GRM3: variants seen among roughly 807,000 people sequenced by gnomAD.
GRM3 encodes the protein glutamate metabotropic receptor 3, also known as metabotropic glutamate receptor 3.
GRM3 carries 26 observed loss-of-function variants against 70.5 expected under a neutral mutation model. The ratio of observed to expected loss-of-function variants is 0.37; its 90% CI spans 0.27 to 0.51. GRM3 has a LOEUF of 0.51. GRM3 is among the 20% of genes least tolerant of loss of function. The probability of loss-of-function intolerance (pLI) is 0.93; values close to 1 mark genes in which losing one functional copy is unlikely to be tolerated. For missense variants in GRM3, 859 were observed against 1,123.8 expected (o/e 0.76, Z 3.37); for synonymous variants, 443 against 434.9 (o/e 1.02, Z -0.23).
intron 1 of GRM3, chr7:86,710,328 A>G (rs754272071): frequency 5.9e-5 from 9 of 151,704 alleles, no homozygotes; most frequent in Non-Finnish European, 1.2e-4. Context: ...CTCTTCTGCC[A>G]TTCTAAGTGG....
At chr7:86,677,399 C>A (rs189265025) in intron 1 of GRM3, among the ~76,000 whole-genome samples, 1 of 152,008 alleles carries the variant, frequency 6.6e-6, no homozygotes, top group Non-Finnish European at 1.5e-5. Context: ...CTTCTGGAGA[C>A]CTTCTTCCCA....
chr7:86,733,804 AC>A lies in GRM3; in HGVS notation c.-140-31201del, dbSNP rs149783490. ...GCCTAGGTGCAAGTGAACCCAGACA[AC>A]AGCCTGGGCACAGGCCATATGTACA... On this transcript the variant is annotated intron_variant, in intron 1 of 5. Coordinates refer to ENST00000361669, the MANE Select transcript of GRM3 (RefSeq NM_000840.3). Among the ~76,000 whole-genome samples, 969 of 152,268 alleles carry A rather than the reference AC, an allele frequency of 6.4e-3. 11 individuals are homozygous for A. Among genetic ancestry groups the A allele is most frequent in the African/African-American group, 0.021 (887 of 41,560 alleles).
At chr7:86,743,306 A>G (rs1796029425) in intron 1 of GRM3, among the ~76,000 whole-genome samples, 2 of 152,154 alleles carry the variant, frequency 1.3e-5, no homozygotes, top group Admixed American at 1.3e-4. Context: ...GAATGTTGGT[A>G]GCTATATCCC....
At chr7:86,708,271 C>T (rs1383017843) in intron 1 of GRM3, among the ~76,000 whole-genome samples, 1 of 152,136 alleles carries the variant, frequency 6.6e-6, no homozygotes, top group Non-Finnish European at 1.5e-5. Flanking sequence ...ATTCAGGCTC[C>T]ATGCCCAGTG....
At chr7:86,708,236 A>T (rs11772477) in intron 1 of GRM3, among the ~76,000 whole-genome samples, 1,735 of 152,214 alleles carry the variant, frequency 0.011, 9 homozygotes, top group Middle Eastern at 0.027. Flanking sequence ...ACACTTGAAG[A>T]TCTATGGGAA....
In GRM3 at chr7:86,644,335, G is replaced by T. The variant is rs1440685719; in HGVS notation, c.-678G>T. The T allele has an allele frequency of 2.9e-5, 8 of 274,692 alleles. No homozygotes were observed. The highest frequency in any genetic ancestry group is 4.2e-5 in the Non-Finnish European group (6 of 141,302). The allele number at this position is 274,692 out of a possible 1,614,324, so 17.0% of individuals were successfully genotyped here. On this transcript the variant is annotated 5_prime_UTR_variant, in exon 1 of 6. In the 5' UTR this introduces an upstream ATG that the reference lacks. Transcript: ENST00000361669. ...GGGAGGGAAAAGAACGAGAGAGGGA[G>T]GAAAGAATGAAAAGGAGAGGATGCC...
intron 1 of GRM3, among the ~76,000 whole-genome samples, chr7:86,693,736 G>A (rs1276095380): frequency 2.8e-5 from 4 of 142,506 alleles, no homozygotes; most frequent in Admixed American, 2.7e-4. Context: ...AGCTAGAGCC[G>A]AGCCGCTGTT....
At chr7:86,799,330 T>G (rs1373571552) in intron 3 of GRM3, among the ~76,000 whole-genome samples, 1 of 152,204 alleles carries the variant, frequency 6.6e-6, no homozygotes, top group Non-Finnish European at 1.5e-5. Flanking sequence ...CCTATTTGAA[T>G]ACTCTTTATT....
chr7:86,799,466 TATG>T (rs1226515687), intron 3 of GRM3, among the ~76,000 whole-genome samples: 1 of 152,196 alleles, frequency 6.6e-6, no homozygotes. Flanking sequence ...GCCCATTCAG[TATG>T]ATATTGCCTA....
chr7:86,644,500 T>C lies in GRM3; in HGVS notation c.-513T>C. 2.8e-6 allele frequency: 1 copy of C among 356,388 alleles called. No homozygotes were observed. The highest frequency in any genetic ancestry group is 3.8e-5 in the Admixed American group (1 of 26,524). 22.1% of individuals were successfully genotyped at this position (356,388 alleles called of 1,614,324 possible). On this transcript the variant is annotated 5_prime_UTR_variant, in exon 1 of 6. Transcript: ENST00000361669. Reference sequence around the variant, plus strand: ...AGGAGGGGACTCGGCTGGGAAGAGCTCCCCTCCCCTCCGCGGAAGACCACT... The same window carrying C: ...AGGAGGGGACTCGGCTGGGAAGAGCCCCCCTCCCCTCCGCGGAAGACCACT...
rs539280721 is a variant in GRM3, at chr7:86,647,600, A to G, written c.-141+2728A>G. On this transcript the variant is annotated intron_variant, in intron 1 of 5. Coordinates refer to ENST00000361669, the MANE Select transcript of GRM3 (RefSeq NM_000840.3). ...ACAGTTGTCTCACTTTGCTATTTTAAACTGAGTTTATTGTGCATTCTCACA... is the reference window on the plus strand; with the variant it reads ...ACAGTTGTCTCACTTTGCTATTTTAGACTGAGTTTATTGTGCATTCTCACA... Among the ~76,000 whole-genome samples, 3 of 152,298 alleles carry G rather than the reference A, an allele frequency of 2.0e-5. No individual in the cohort carries two copies. In the South Asian group the frequency reaches 6.2e-4, roughly 32 times the overall value.
Position 86,838,886 on chromosome 7 carries a change from A to G in GRM3, c.1372A>G (p.Thr458Ala), listed in dbSNP as rs1798508504. The change falls in exon 4 of 6, where the codon ACT becomes GCT. Residue 458 changes from threonine (T) to alanine (A), a missense_variant. Transcript: ENST00000361669. ...KDADSIVKFD[T>A]FGDGMGRYNV... is the part of the protein sequence containing the mutation. Reference sequence around the variant, plus strand: ...TGCAGATAGCATAGTCAAGTTTGACACTTTTGGAGATGGAATGGGGCGATA... The same window carrying G: ...TGCAGATAGCATAGTCAAGTTTGACGCTTTTGGAGATGGAATGGGGCGATA... 1.2e-6 allele frequency: 2 copies of G among 1,613,306 alleles called. No homozygotes were observed. Among genetic ancestry groups the G allele is most frequent in the Middle Eastern group, 3.3e-4 (2 of 6,054 alleles).
chr7:86,676,914 T>G (rs984825330), intron 1 of GRM3, among the ~76,000 whole-genome samples: 4 of 152,036 alleles, frequency 2.6e-5, no homozygotes, highest in Admixed American at 2.6e-4. Context: ...AATATAGTCA[T>G]GCTTTGATTT....
chr7:86,856,763 TTTCA>T lies in GRM3; in HGVS notation c.2566+6222_2566+6225del, dbSNP rs1484623173. 6.6e-5 allele frequency among the ~76,000 whole-genome samples: 10 copies of T among 152,300 alleles called. No homozygotes were observed. The East Asian group carries it at 1.9e-3, about 29-fold the overall frequency. On this transcript the variant is annotated intron_variant, in intron 5 of 5. Coordinates refer to ENST00000361669, the MANE Select transcript of GRM3 (RefSeq NM_000840.3). Reference sequence around the variant, plus strand: ...ACCTCTCCTTTCTTCTATGTAACACTTTCATTGTGTTTGTCTCACAACTGCTTTT... The same window carrying T: ...ACCTCTCCTTTCTTCTATGTAACACTTTGTGTTTGTCTCACAACTGCTTTT...
At chr7:86,784,390 G>T (rs1797168303) in intron 2 of GRM3, 1 of 152,068 alleles carries the variant, frequency 6.6e-6, no homozygotes, top group Admixed American at 6.5e-5. Context: ...AATATAACTT[G>T]AAGATGAGAA....
At chr7:86,677,866 G>T (rs1223826619) in intron 1 of GRM3, among the ~76,000 whole-genome samples, 1 of 151,856 alleles carries the variant, frequency 6.6e-6, no homozygotes, top group South Asian at 2.1e-4. Context: ...TATCGGAGCT[G>T]GTTAAAGAAC....
chr7:86,682,683 T>C (rs948637336), intron 1 of GRM3, among the ~76,000 whole-genome samples: 1 of 152,198 alleles, frequency 6.6e-6, no homozygotes, highest in Non-Finnish European at 1.5e-5. Flanking sequence ...TTATTTCTTC[T>C]CAGCCTTATT....
chr7:86,764,025 G>T (rs972292673), intron 1 of GRM3, among the ~76,000 whole-genome samples: 12 of 152,066 alleles, frequency 7.9e-5, no homozygotes, highest in African/African-American at 2.9e-4. Flanking sequence ...GTAGCAGGGG[G>T]TGAAGTGGAG....
intron 4 of GRM3, among the ~76,000 whole-genome samples, chr7:86,845,744 T>C (rs988519248): frequency 2.6e-4 from 40 of 152,182 alleles, no homozygotes; most frequent in African/African-American, 9.2e-4. Context: ...ACATTTGTTT[T>C]CAGTTTTAAG....
Sources: gnomAD v4.1 joint callset for allele counts (sites outside exome capture counted in the v4.1 genomes callset) on GRCh38, gnomAD v4.1.1 for gene constraint, MANE v1.5 for transcripts, NCBI Gene and HGNC (gene_info 2026-07-23, HGNC 2026-07-21) for gene names.